Variants in GNG2 observed in about 807,000 individuals in gnomAD.
The protein encoded by GNG2 is G protein subunit gamma 2.
Under a neutral mutation model 5.5 loss-of-function variants are expected in GNG2, and 5 were observed. The observed-to-expected ratio is 0.91, with a 90% CI of 0.48 to 1.92. GNG2 has a LOEUF of 1.92. Ranked by LOEUF, GNG2 falls within the 30% of genes most tolerant of loss-of-function variation. The probability of loss-of-function intolerance (pLI) is 0.01; values close to 1 mark genes in which losing one functional copy is unlikely to be tolerated. For synonymous variants in GNG2, 28 were observed against 32.0 expected (o/e 0.88, Z 0.42); for missense variants, 55 against 88.4 (o/e 0.62, Z 1.52).
intron 2 of GNG2, among the ~76,000 whole-genome samples, chr14:51,948,904 G>A (rs948632070): frequency 6.6e-5 from 10 of 152,060 alleles, no homozygotes; most frequent in Admixed American, 2.6e-4. Flanking sequence ...GGCGGATCAC[G>A]AGGTCAGGAG....
chr14:51,939,934 T>G (rs1888218544), intron 2 of GNG2: 1 of 152,244 alleles, frequency 6.6e-6, no homozygotes, highest in South Asian at 2.1e-4. Flanking sequence ...TTCTGACGAA[T>G]GTGCTGACCT....
intron 2 of GNG2, among the ~76,000 whole-genome samples, chr14:51,893,027 A>G (rs569922274): frequency 6.6e-6 from 1 of 152,162 alleles, no homozygotes; most frequent in South Asian, 2.1e-4. Context: ...TCTTCACTCC[A>G]CTGTCGCCTG....
intron 2 of GNG2, among the ~76,000 whole-genome samples, chr14:51,896,947 A>G (rs1885231603): frequency 6.6e-6 from 1 of 152,248 alleles, no homozygotes; most frequent in Non-Finnish European, 1.5e-5. Context: ...AGATGAATAT[A>G]TGAATTATAT....
intron 2 of GNG2, among the ~76,000 whole-genome samples, chr14:51,834,625 C>T (rs114572477): frequency 6.6e-6 from 1 of 152,200 alleles, no homozygotes; most frequent in Non-Finnish European, 1.5e-5. Context: ...TAGGCACTTG[C>T]CCTCTCAATA....
intron 2 of GNG2, among the ~76,000 whole-genome samples, chr14:51,893,600 G>T (rs936345929): frequency 1.3e-5 from 2 of 151,768 alleles, no homozygotes; most frequent in Non-Finnish European, 2.9e-5. Flanking sequence ...TTTTTAAAAA[G>T]TATTTATTCA....
At chr14:51,885,988 C>T (rs992746607) in intron 2 of GNG2, among the ~76,000 whole-genome samples, 1 of 152,086 alleles carries the variant, frequency 6.6e-6, no homozygotes. Flanking sequence ...ATGATAATAC[C>T]TCTCAATGAG....
At chr14:51,944,951 C>T (rs909902370) in intron 2 of GNG2, among the ~76,000 whole-genome samples, 14 of 151,748 alleles carry the variant, frequency 9.2e-5, no homozygotes, top group East Asian at 5.8e-4. Context: ...CAACAAAAAC[C>T]AATGCAAAAA....
At chr14:51,826,422 G>T in intron 1 of GNG2, among the ~76,000 whole-genome samples, 1 of 152,184 alleles carries the variant, frequency 6.6e-6, no homozygotes, top group East Asian at 1.9e-4. Context: ...GATGTGCATA[G>T]ATTATATGCA....
intron 1 of GNG2, among the ~76,000 whole-genome samples, chr14:51,871,405 T>C (rs1303761479): frequency 6.6e-6 from 1 of 151,618 alleles, no homozygotes; most frequent in African/African-American, 2.4e-5. Flanking sequence ...TGTAGAAAAG[T>C]AACATTCAAA....
At chr14:51,849,373 T>C (rs1172736299) in intron 2 of GNG2, among the ~76,000 whole-genome samples, 2 of 152,208 alleles carry the variant, frequency 1.3e-5, no homozygotes, top group African/African-American at 4.8e-5. Flanking sequence ...TCAGCCACAT[T>C]CTATTAGTCA....
chr14:51,827,364 C>G (rs188463539), intron 1 of GNG2, among the ~76,000 whole-genome samples: 21 of 152,350 alleles, frequency 1.4e-4, no homozygotes, highest in Admixed American at 1.2e-3. Flanking sequence ...CTCTTGAGCT[C>G]TACTCCAGGC....
intron 2 of GNG2, among the ~76,000 whole-genome samples, chr14:51,878,976 G>T (rs896738447): frequency 6.6e-6 from 1 of 152,178 alleles, no homozygotes; most frequent in Non-Finnish European, 1.5e-5. Flanking sequence ...TTGCTGGCAC[G>T]TCCAATGGGA....
At chr14:51,931,154 T>C (rs1293755236) in intron 2 of GNG2, among the ~76,000 whole-genome samples, 1 of 151,956 alleles carries the variant, frequency 6.6e-6, no homozygotes, top group Non-Finnish European at 1.5e-5. Flanking sequence ...GAAATATAGG[T>C]GGCCAGGCTA....
chr14:51,964,782 G>A (rs1183090018), intron 3 of GNG2, among the ~76,000 whole-genome samples: 2 of 152,256 alleles, frequency 1.3e-5, no homozygotes, highest in African/African-American at 2.4e-5. Flanking sequence ...AAGGTGAGGC[G>A]GGAGGATGGC....
At chr14:51,873,208 A>G (rs1883424501) in intron 1 of GNG2, among the ~76,000 whole-genome samples, 1 of 152,246 alleles carries the variant, frequency 6.6e-6, no homozygotes, top group Non-Finnish European at 1.5e-5. Context: ...TACTAGGCAC[A>G]AGATATTTGC....
chr14:51,960,532 TA>T (rs1306311894), intron 3 of GNG2, among the ~76,000 whole-genome samples: 3 of 142,252 alleles, frequency 2.1e-5, no homozygotes, highest in African/African-American at 8.5e-5. Flanking sequence ...ATATCTTCTG[TA>T]TGTCTTTTTA....
intron 3 of GNG2, among the ~76,000 whole-genome samples, chr14:51,966,231 A>G (rs2790507): frequency 0.071 from 7,631 of 108,088 alleles, 936 homozygotes; most frequent in Non-Finnish European, 0.1. Context: ...AAAAAAAAAA[A>G]AAAAAACAAA....
intron 2 of GNG2, among the ~76,000 whole-genome samples, chr14:51,901,487 C>A (rs1362445966): frequency 1.8e-4 from 28 of 152,134 alleles, no homozygotes; most frequent in Admixed American, 1.8e-3. Flanking sequence ...AGCCACCACG[C>A]CCAGCTGAGA....
At chr14:51,857,020 C>T (rs1882194535), upstream of GNG2, among the ~76,000 whole-genome samples, 1 of 152,216 alleles carries the variant, frequency 6.6e-6, no homozygotes, top group Non-Finnish European at 1.5e-5. Flanking sequence ...GATGCCTTTT[C>T]ATTATACAAA....
Sources: allele counts gnomAD v4.1 joint callset (sites outside exome capture counted in the v4.1 genomes callset), GRCh38; gene constraint gnomAD v4.1.1; transcripts MANE v1.5; gene names NCBI Gene and HGNC (gene_info 2026-07-23, HGNC 2026-07-21).